The following PCDH15 variants were observed in gnomAD, a reference collection of about 807,000 sequenced individuals.
The protein encoded by PCDH15 is protocadherin-15.
A neutral mutation model predicts 178.5 loss-of-function variants in PCDH15; 129 were observed. The ratio of observed to expected loss-of-function variants is 0.72; its 90% CI spans 0.63 to 0.84. PCDH15 has a LOEUF of 0.84. PCDH15 is among the 40% of genes least tolerant of loss of function. The pLI is 0.00. For missense variants in PCDH15, 2,230 were observed against 2,099.9 expected, an observed-to-expected ratio of 1.06 and a Z score of -1.21; for synonymous variants, 800 against 732.0, an observed-to-expected ratio of 1.09 and a Z score of -1.50.
At chr10:54,735,516 G>A (rs1053827719) in intron 1 of PCDH15, among the ~76,000 whole-genome samples, 2 of 148,300 alleles carry the variant, frequency 1.3e-5, no homozygotes, top group African/African-American at 5.0e-5. Context: ...TCATTACTGG[G>A]TATATACCCA....
intron 13 of PCDH15, among the ~76,000 whole-genome samples, chr10:54,170,928 C>T (rs536991863): frequency 1.1e-4 from 17 of 152,172 alleles, no homozygotes; most frequent in Non-Finnish European, 1.3e-4. Context: ...CAGGCCCCCT[C>T]CCTTCCCTAC....
intron 25 of PCDH15, among the ~76,000 whole-genome samples, chr10:53,930,065 T>C (rs758624940): frequency 2.0e-5 from 3 of 152,164 alleles, no homozygotes; most frequent in Non-Finnish European, 2.9e-5. Flanking sequence ...AGTAACATTA[T>C]ATCCTAAAAA....
At chr10:53,945,937 C>T (rs115849785) in intron 23 of PCDH15, among the ~76,000 whole-genome samples, 2,173 of 146,968 alleles carry the variant, frequency 0.015, 59 homozygotes, top group African/African-American at 0.052. Context: ...ACTCCATATC[C>T]TATTATAAAT....
chr10:54,461,306 CCTAT>C (rs1409301618), intron 3 of PCDH15, among the ~76,000 whole-genome samples: 1 of 152,048 alleles, frequency 6.6e-6, no homozygotes, highest in Non-Finnish European at 1.5e-5. Context: ...TGCACAATAG[CCTAT>C]CTTTCATGTA....
At chr10:55,338,896 A>G (rs1305884175) in intron 2 of PCDH15, among the ~76,000 whole-genome samples, 1 of 152,192 alleles carries the variant, frequency 6.6e-6, no homozygotes, top group Admixed American at 6.5e-5. Context: ...CAAATGTGGC[A>G]TGTTCTTATT....
chr10:55,060,849 A>T (rs1841411366), intron 2 of PCDH15, among the ~76,000 whole-genome samples: 2 of 152,104 alleles, frequency 1.3e-5, no homozygotes, highest in Admixed American at 1.3e-4. Context: ...CTTAGGGCAT[A>T]TAGTTATGGA....
intron 2 of PCDH15, among the ~76,000 whole-genome samples, chr10:55,622,715 T>C (rs1309695696): frequency 6.6e-6 from 1 of 152,180 alleles, no homozygotes; most frequent in Non-Finnish European, 1.5e-5. Flanking sequence ...AGTAATCACT[T>C]CTCACCAGGA....
At chr10:54,287,602 T>A (rs73241251) in intron 8 of PCDH15, among the ~76,000 whole-genome samples, 6,081 of 152,164 alleles carry the variant, frequency 0.04, 401 homozygotes, top group African/African-American at 0.14. Flanking sequence ...ACAAAATTTA[T>A]TTTTGCCTAT....
chr10:55,283,338 A>G (rs1226696211), intron 1 of PCDH15, among the ~76,000 whole-genome samples: 2 of 151,994 alleles, frequency 1.3e-5, no homozygotes, highest in Non-Finnish European at 2.9e-5. Context: ...CCTTGACTAA[A>G]TGGTGCCTTA....
At chr10:54,862,097 A>G (rs1953854147) in intron 3 of PCDH15, among the ~76,000 whole-genome samples, 1 of 152,226 alleles carries the variant, frequency 6.6e-6, no homozygotes, top group Non-Finnish European at 1.5e-5. Flanking sequence ...TAATAATTAC[A>G]TCATAGTTAT....
At chr10:54,555,765 G>GAAAAT (rs2087161691) in intron 2 of PCDH15, among the ~76,000 whole-genome samples, 1 of 136,558 alleles carries the variant, frequency 7.3e-6, no homozygotes, top group East Asian at 2.1e-4. Context: ...GAAAAGAAAA[G>GAAAAT]AAAAAAGAAA....
rs1564530417 is a variant in PCDH15, at chr10:54,146,934, A to AGTGTGT, written c.1784+6165_1784+6166insACACAC. 7.9e-4 allele frequency among the ~76,000 whole-genome samples: 66 copies of AGTGTGT among 83,620 alleles called. 2 individuals carry two copies. Among genetic ancestry groups the AGTGTGT allele is most frequent in the African/African-American group, 2.8e-3 (63 of 22,786 alleles). 54.9% of individuals were successfully genotyped at this position (83,620 alleles called of 152,430 possible). On this transcript the variant is annotated intron_variant, in intron 14 of 37. Transcript: ENST00000644397. ...GTATATATATAGTGTATATATATAT[A>AGTGTGT]ATGTATATATATAGTGTATATATAT...
chr10:54,262,409 C>A (rs2057378264), intron 8 of PCDH15, among the ~76,000 whole-genome samples: 1 of 152,154 alleles, frequency 6.6e-6, no homozygotes, highest in Non-Finnish European at 1.5e-5. Flanking sequence ...AGACCTCATG[C>A]CTGACCACTC....
At chr10:55,503,803 A>G (rs937540270) in intron 2 of PCDH15, among the ~76,000 whole-genome samples, 2 of 151,516 alleles carry the variant, frequency 1.3e-5, no homozygotes, top group Non-Finnish European at 3.0e-5. Flanking sequence ...AGGAATTATC[A>G]TTCATAGCAA....
intron 2 of PCDH15, among the ~76,000 whole-genome samples, chr10:54,550,122 T>C (rs1351072130): frequency 6.6e-6 from 1 of 152,194 alleles, no homozygotes; most frequent in Non-Finnish European, 1.5e-5. Context: ...TCATGCTTTC[T>C]TATCTTATCT....
intron 2 of PCDH15, among the ~76,000 whole-genome samples, chr10:55,033,119 A>T (rs11004689): frequency 6.6e-6 from 1 of 151,896 alleles, no homozygotes; most frequent in Non-Finnish European, 1.5e-5. Flanking sequence ...GTGATACCTC[A>T]GAGAGCCTCA....
At chr10:54,894,957 T>A (rs1376951338) in intron 3 of PCDH15, among the ~76,000 whole-genome samples, 1 of 152,192 alleles carries the variant, frequency 6.6e-6, no homozygotes, top group African/African-American at 2.4e-5. Flanking sequence ...CTTATCTCCA[T>A]CACTCTTAGA....
chr10:53,883,802 G>A (rs1264638885), intron 26 of PCDH15, among the ~76,000 whole-genome samples: 1 of 152,082 alleles, frequency 6.6e-6, no homozygotes, highest in Non-Finnish European at 1.5e-5. Flanking sequence ...CACCACCTCC[G>A]CCTCCCAGGT....
At chr10:55,408,755 T>G (rs1317392508) in intron 2 of PCDH15, among the ~76,000 whole-genome samples, 3 of 151,776 alleles carry the variant, frequency 2.0e-5, no homozygotes, top group Non-Finnish European at 4.4e-5. Flanking sequence ...TTTTAAGTAG[T>G]TTCGTCTAGT....
Sources: allele counts gnomAD v4.1 joint callset (sites outside exome capture counted in the v4.1 genomes callset), GRCh38; gene constraint gnomAD v4.1.1; transcripts MANE v1.5; gene names NCBI Gene and HGNC (gene_info 2026-07-23, HGNC 2026-07-21).